Variants in HIRA observed in about 807,000 individuals in gnomAD.
The protein encoded by HIRA is histone cell cycle regulator.
A neutral mutation model predicts 126.6 loss-of-function variants in HIRA; 13 were observed. That is an observed-to-expected ratio of 0.10 (90% CI 0.07 to 0.16). The LOEUF (loss-of-function observed/expected upper bound fraction) is 0.16, where lower values mean the gene tolerates loss of function less well. Ranked by LOEUF, HIRA falls within the 10% of genes least tolerant of loss-of-function variation. The pLI is 1.00. For synonymous variants in HIRA, 511 were observed against 520.0 expected (o/e 0.98, Z 0.24); for missense variants, 834 against 1,314.4 (o/e 0.63, Z 5.65).
At chr22:19,400,831 G>A (rs150830074) in intron 5 of HIRA, among the ~76,000 whole-genome samples, 130 of 151,960 alleles carry the variant, frequency 8.6e-4, no homozygotes, top group African/African-American at 3.0e-3. Flanking sequence ...TTCACCCCAC[G>A]GTCATGTCCA....
intron 5 of HIRA, among the ~76,000 whole-genome samples, chr22:19,404,536 C>CA (rs2089293689): frequency 6.6e-6 from 1 of 152,172 alleles, no homozygotes; most frequent in African/African-American, 2.4e-5. Context: ...AATGTGGACT[C>CA]AATCTATGGC....
At chr22:19,366,834 C>T (rs536735929) in intron 15 of HIRA, among the ~76,000 whole-genome samples, 3 of 152,306 alleles carry the variant, frequency 2.0e-5, no homozygotes, top group East Asian at 1.9e-4. Flanking sequence ...AATCTCAGCT[C>T]GCTGCAACCT....
intron 24 of HIRA, among the ~76,000 whole-genome samples, chr22:19,341,444 G>C (rs1556007499): frequency 1.8e-5 from 1 of 56,998 alleles, no homozygotes; most frequent in African/African-American, 5.9e-5. Flanking sequence ...GTGGGACCCT[G>C]TTTCAAAAAA....
intron 23 of HIRA, among the ~76,000 whole-genome samples, chr22:19,352,517 T>C (rs1369007435): frequency 4.6e-5 from 7 of 152,104 alleles, no homozygotes. Flanking sequence ...AGGCTTCAAG[T>C]TGATCAGTAA....
In HIRA at chr22:19,361,258, G is replaced by A. The variant is rs760080873; in HGVS notation, c.2064C>T (p.Pro688=). Residue 688 remains proline (P), a synonymous_variant, in exon 17 of 25, where the codon CCC becomes CCT. Coordinates refer to ENST00000263208, the MANE Select transcript of HIRA (RefSeq NM_003325.4). ...TTACCTGGAGGGTGAATGCTCTCTG[G>A]GGGCTTGGAATTGGCAGCTTCAGTG... is the stretch of plus-strand genomic sequence containing the variant. ...ALALKLPIPS[P]QRAFTLQVSS... is the part of the protein sequence containing the mutation. 3.1e-6 allele frequency: 5 copies of A among 1,614,196 alleles called. No homozygotes were observed. Among genetic ancestry groups the A allele is most frequent in the Non-Finnish European group, 4.2e-6 (5 of 1,179,996 alleles).
chr22:19,427,020 G>A (rs2089493560), intron 1 of HIRA, among the ~76,000 whole-genome samples: 1 of 152,194 alleles, frequency 6.6e-6, no homozygotes, highest in Non-Finnish European at 1.5e-5. Flanking sequence ...TTGTCCTCAA[G>A]AAACTTACAG....
rs769770746 is a variant in HIRA at position 19,394,429 on chromosome 22, G to A, written c.735C>T (p.Asn245=). Residue 245 remains asparagine, a synonymous_variant, in exon 8 of 25, where the codon AAC becomes AAT. Coordinates refer to ENST00000263208, the MANE Select transcript of HIRA (RefSeq NM_003325.4). ...CGATGATCTGGGCAGTGGGGCCTGA[G>A]TTGTTCATGGCATGGGCAGACACCA... ...HYLVSAHAMN[N]SGPTAQIIER... is the part of the protein sequence containing the mutation. The A allele has an allele frequency of 1.4e-5, 23 of 1,614,150 alleles. No individual in the cohort carries two copies. Among genetic ancestry groups the A allele is most frequent in the Non-Finnish European group, 1.8e-5 (21 of 1,180,008 alleles).
At chr22:19,407,941 T>C (rs903520637) in intron 3 of HIRA, among the ~76,000 whole-genome samples, 1 of 152,024 alleles carries the variant, frequency 6.6e-6, no homozygotes, top group Non-Finnish European at 1.5e-5. Flanking sequence ...AGTAACATGC[T>C]CCAGGTCTGA....
At chr22:19,384,812 C>A (rs1323765021) in intron 12 of HIRA, among the ~76,000 whole-genome samples, 3 of 151,034 alleles carry the variant, frequency 2.0e-5, no homozygotes, top group Non-Finnish European at 4.4e-5. Flanking sequence ...CACCACCATA[C>A]CCGGCTATTT....
intron 10 of HIRA, 127 bp from the exon 11 acceptor site, chr22:19,387,943 TGTGGCCTGGTTCCCTTC>T: frequency 2.3e-5 from 2 of 86,504 alleles, no homozygotes; most frequent in South Asian, 1.6e-4. Flanking sequence ...GGTTCCCTTC[TGTGGCCTGGTTCCCTTC>T]TTTGGCCTGG....
At chr22:19,373,600 T>C (rs1263773558) in intron 15 of HIRA, among the ~76,000 whole-genome samples, 1 of 152,216 alleles carries the variant, frequency 6.6e-6, no homozygotes, top group Non-Finnish European at 1.5e-5. Flanking sequence ...TGGCGATTTC[T>C]ATACAACACA....
intron 1 of HIRA, among the ~76,000 whole-genome samples, chr22:19,416,581 C>T (rs545450838): frequency 6.6e-6 from 1 of 152,284 alleles, no homozygotes; most frequent in African/African-American, 2.4e-5. Flanking sequence ...TTCAAGCGAT[C>T]TGCTACCTTT....
intron 7 of HIRA, 111 bp from the exon 8 acceptor site, chr22:19,394,620 T>TACG: frequency 1.8e-6 from 2 of 1,096,794 alleles, no homozygotes; most frequent in South Asian, 3.0e-5. Flanking sequence ...TGGTGGAGCA[T>TACG]GCACCCCAAG....
intron 21 of HIRA, among the ~76,000 whole-genome samples, 183 bp downstream of exon 21, chr22:19,355,577 T>C (rs1054345267): frequency 2.0e-5 from 3 of 152,194 alleles, no homozygotes; most frequent in African/African-American, 2.4e-5. Context: ...GCAGAGGCCA[T>C]AGGCTGCAGT....
rs1246508048 is a variant in HIRA, at chr22:19,356,210, C to A, written c.2455+20G>T. On this transcript the variant is annotated intron_variant, in intron 20 of 24. Coordinates refer to ENST00000263208, the MANE Select transcript of HIRA (RefSeq NM_003325.4). ...ACTTGGGCCCCCAAAAGAGTAGGGACAGCCTGTTGCCTGCATTACCTGCCA... is the reference window on the plus strand; with the variant it reads ...ACTTGGGCCCCCAAAAGAGTAGGGAAAGCCTGTTGCCTGCATTACCTGCCA... 1 of 1,610,696 alleles carries A rather than the reference C, an allele frequency of 6.2e-7. No individual in the cohort carries two copies. Among genetic ancestry groups the A allele is most frequent in the Non-Finnish European group, 8.5e-7 (1 of 1,176,954 alleles).
chr22:19,389,503 G>A (rs1176503740), intron 9 of HIRA, among the ~76,000 whole-genome samples: 1 of 152,170 alleles, frequency 6.6e-6, no homozygotes, highest in Non-Finnish European at 1.5e-5. Context: ...TGCAGCCTGA[G>A]ACTGCTATGT....
At chr22:19,423,719 C>T (rs2089467694) in intron 1 of HIRA, among the ~76,000 whole-genome samples, 1 of 152,154 alleles carries the variant, frequency 6.6e-6, no homozygotes, top group African/African-American at 2.4e-5. Flanking sequence ...AGGGAATTGG[C>T]CTACCCTAGG....
chr22:19,417,750 T>C (rs781166553), intron 1 of HIRA, among the ~76,000 whole-genome samples: 29 of 152,254 alleles, frequency 1.9e-4, no homozygotes, highest in Middle Eastern at 3.2e-3. Context: ...ATTATACTTC[T>C]GGGTATATAA....
chr22:19,361,615 G>C, intron 16 of HIRA, 112 bp downstream of exon 16: 1 of 1,055,314 alleles, frequency 9.5e-7, no homozygotes, highest in East Asian at 2.4e-5. Context: ...GTCTAAGCCA[G>C]CTGGTTCCCA....
Sources: allele counts gnomAD v4.1 joint callset (sites outside exome capture counted in the v4.1 genomes callset), GRCh38; gene constraint gnomAD v4.1.1; transcripts MANE v1.5; gene names NCBI Gene and HGNC (gene_info 2026-07-23, HGNC 2026-07-21).